The following GSG1L variants were observed in gnomAD, a reference collection of about 807,000 sequenced individuals.
GSG1L encodes GSG1 like.
GSG1L carries 24 observed loss-of-function variants against 42.1 expected under a neutral mutation model. The observed-to-expected ratio is 0.57, with a 90% CI of 0.41 to 0.80. The LOEUF is 0.80. GSG1L is among the 30% of genes least tolerant of loss of function. The pLI is 0.00. For synonymous variants in GSG1L, 215 were observed against 203.5 expected (o/e 1.06, Z -0.48); for missense variants, 445 against 472.2 (o/e 0.94, Z 0.53).
chr16:27,997,369 G>A (rs2085528391), intron 1 of GSG1L, among the ~76,000 whole-genome samples: 1 of 124,194 alleles, frequency 8.1e-6, no homozygotes, highest in Admixed American at 1.0e-4. Flanking sequence ...ACCCAGGCTG[G>A]AGTGCAGTGG....
intron 2 of GSG1L, among the ~76,000 whole-genome samples, chr16:27,889,897 C>T (rs2084104279): frequency 6.6e-6 from 1 of 152,194 alleles, no homozygotes; most frequent in African/African-American, 2.4e-5. Context: ...CCGAATCTTC[C>T]TAACAGCCTG....
chr16:27,924,316 C>T (rs895233642), intron 2 of GSG1L, among the ~76,000 whole-genome samples: 7 of 132,854 alleles, frequency 5.3e-5, no homozygotes, highest in African/African-American at 8.6e-5. Flanking sequence ...TATATGCATA[C>T]GTGTATGTAT....
At chr16:28,057,590 G>A (rs56105190) in intron 1 of GSG1L, among the ~76,000 whole-genome samples, 24 of 152,316 alleles carry the variant, frequency 1.6e-4, no homozygotes, top group Non-Finnish European at 3.2e-4. Flanking sequence ...AAGACACTGG[G>A]AACACTGCAG....
chr16:27,858,129 C>T (rs1596561164), intron 3 of GSG1L, among the ~76,000 whole-genome samples: 1 of 152,364 alleles, frequency 6.6e-6, no homozygotes, highest in Non-Finnish European at 1.5e-5. Context: ...TCCACACTTC[C>T]CTGCGGCAAC....
At chr16:27,915,582 C>T (rs1428953344) in intron 2 of GSG1L, among the ~76,000 whole-genome samples, 1 of 152,164 alleles carries the variant, frequency 6.6e-6, no homozygotes, top group Non-Finnish European at 1.5e-5. Context: ...GTTCAAGGTG[C>T]TGGGGACATA....
At chr16:27,850,561 A>G (rs1260470701) in intron 3 of GSG1L, 5 of 455,818 alleles carry the variant, frequency 1.1e-5, no homozygotes, top group Non-Finnish European at 2.2e-5. Flanking sequence ...AGGAGGGACC[A>G]GCAAAGAAAG....
intron 1 of GSG1L, among the ~76,000 whole-genome samples, chr16:27,999,715 T>C (rs1567550274): frequency 6.6e-6 from 1 of 152,186 alleles, no homozygotes; most frequent in Admixed American, 6.6e-5. Flanking sequence ...CTAGCTGCTG[T>C]TACAAACACC....
At chr16:28,022,509 C>G (rs2085855944) in intron 1 of GSG1L, among the ~76,000 whole-genome samples, 1 of 151,420 alleles carries the variant, frequency 6.6e-6, no homozygotes, top group South Asian at 2.1e-4. Context: ...CAGTCTCACT[C>G]TGTTGCCCAG....
intron 2 of GSG1L, among the ~76,000 whole-genome samples, chr16:27,914,294 T>C (rs1419393037): frequency 6.6e-6 from 1 of 152,004 alleles, no homozygotes; most frequent in Non-Finnish European, 1.5e-5. Context: ...GGAAACAATA[T>C]GAATGGTTTG....
At chr16:27,824,550 A>AAG (rs1291116504) in intron 5 of GSG1L, among the ~76,000 whole-genome samples, 1 of 151,800 alleles carries the variant, frequency 6.6e-6, no homozygotes, top group Non-Finnish European at 1.5e-5. Context: ...AAGCACAAAA[A>AAG]AAAAAAGAAA....
At chr16:27,887,102 T>C (rs889311777) in intron 2 of GSG1L, among the ~76,000 whole-genome samples, 1 of 152,076 alleles carries the variant, frequency 6.6e-6, no homozygotes, top group African/African-American at 2.4e-5. Context: ...ACTACAGGCA[T>C]GCACCACCAT....
rs915857009 is a variant in GSG1L, at chr16:27,870,913, T to C, written c.550+13573A>G. ...CACCTCTTAGCCGTGCTCTCCAGCC[T>C]GTACCGGCCCTGCCTGCCCTTCCTG... is the stretch of plus-strand genomic sequence containing the variant. On this transcript the variant is annotated intron_variant, in intron 3 of 6. Coordinates refer to ENST00000447459, the MANE Select transcript of GSG1L (RefSeq NM_001109763.2). Among the ~76,000 whole-genome samples the C allele has an allele frequency of 2.0e-5, 3 of 151,386 alleles. No homozygotes were observed. In the South Asian group the frequency reaches 6.2e-4, roughly 31 times the overall value.
intron 1 of GSG1L, among the ~76,000 whole-genome samples, chr16:27,980,043 G>A (rs1008408): frequency 0.2 from 30,203 of 152,034 alleles, 3,201 homozygotes; most frequent in East Asian, 0.42. Flanking sequence ...GAGCCCGGGC[G>A]TCTTCCCAAG....
chr16:27,991,242 TACA>T (rs1391840534), intron 1 of GSG1L, among the ~76,000 whole-genome samples: 6 of 152,220 alleles, frequency 3.9e-5, no homozygotes, highest in Non-Finnish European at 7.3e-5. Context: ...ATTTCCTGGC[TACA>T]ACAAGTCTCT....
Position 28,054,552 on chromosome 16 carries a change from C to T in GSG1L, c.349+8524G>A, listed in dbSNP as rs570085761. On this transcript the variant is annotated intron_variant, in intron 1 of 6. Coordinates refer to ENST00000447459, the MANE Select transcript of GSG1L (RefSeq NM_001109763.2). ...GCTGAGGCAGGAGAATCGCTTAAAC[C>T]CAGGAGACGGAGGTTACAGTAAGCC... 7.9e-5 allele frequency among the ~76,000 whole-genome samples: 12 copies of T among 152,188 alleles called. No individual in the cohort carries two copies. The South Asian group carries it at 8.3e-4, about 11-fold the overall frequency.
At chr16:27,822,036 G>A (rs995817509) in intron 5 of GSG1L, among the ~76,000 whole-genome samples, 2 of 152,110 alleles carry the variant, frequency 1.3e-5, no homozygotes, top group Non-Finnish European at 2.9e-5. Flanking sequence ...TTTTCAGGCA[G>A]GGAGTGTATC....
chr16:27,984,129 G>A (rs1306761494), intron 1 of GSG1L, among the ~76,000 whole-genome samples: 1 of 152,114 alleles, frequency 6.6e-6, no homozygotes, highest in Non-Finnish European at 1.5e-5. Context: ...GGAGGTCGGT[G>A]CGGGAATCCA....
intron 1 of GSG1L, among the ~76,000 whole-genome samples, chr16:28,056,410 G>A (rs1244397326): frequency 7.3e-6 from 1 of 136,402 alleles, no homozygotes; most frequent in Non-Finnish European, 1.5e-5. Context: ...TTATAGGTGG[G>A]AATTGAACAA....
chr16:27,985,761 A>C (rs554362243), intron 1 of GSG1L, among the ~76,000 whole-genome samples: 22 of 152,170 alleles, frequency 1.4e-4, no homozygotes, highest in African/African-American at 5.3e-4. Flanking sequence ...TGAACTCAGG[A>C]GGCAGAATTT....
Sources: gnomAD v4.1 joint callset for allele counts (sites outside exome capture counted in the v4.1 genomes callset) on GRCh38, gnomAD v4.1.1 for gene constraint, MANE v1.5 for transcripts, NCBI Gene and HGNC (gene_info 2026-07-23, HGNC 2026-07-21) for gene names.